The following WASF3 variants were observed in gnomAD, a reference collection of about 807,000 sequenced individuals.
The protein encoded by WASF3 is WASP family member 3.
In WASF3, 11 loss-of-function variants were observed where a neutral mutation model predicts 46.6. That is an observed-to-expected ratio of 0.24 (90% CI 0.15 to 0.39). The LOEUF is 0.39. Ranked by LOEUF, WASF3 falls within the 10% of genes least tolerant of loss-of-function variation. The probability of loss-of-function intolerance (pLI) is 1.00; values close to 1 mark genes in which losing one functional copy is unlikely to be tolerated. For synonymous variants in WASF3, 242 were observed against 259.7 expected, an observed-to-expected ratio of 0.93 and a Z score of 0.65; for missense variants, 576 against 669.8, an observed-to-expected ratio of 0.86 and a Z score of 1.55.
chr13:26,629,529 A>G (rs1254637210), intron 2 of WASF3, among the ~76,000 whole-genome samples: 1 of 152,122 alleles, frequency 6.6e-6, no homozygotes, highest in Admixed American at 6.6e-5. Context: ...CACACAGTCC[A>G]TTTTTGACTA....
At chr13:26,611,031 C>CCT (rs1880960165) in intron 1 of WASF3, among the ~76,000 whole-genome samples, 1 of 110,578 alleles carries the variant, frequency 9.0e-6, no homozygotes, top group East Asian at 2.7e-4. Context: ...TTACTTACTC[C>CCT]TTTTTTTTTT....
At position 26,674,425 on chromosome 13, in the gene WASF3, A is replaced by G. The variant is rs959146640; in HGVS notation, c.541-2124A>G. Among the ~76,000 whole-genome samples the G allele has an allele frequency of 2.0e-5, 3 of 152,138 alleles. 1 individual carries two copies. The highest frequency in any genetic ancestry group is 7.2e-5 in the African/African-American group (3 of 41,418). On this transcript the variant is annotated intron_variant, in intron 6 of 9. Coordinates refer to ENST00000335327, the MANE Select transcript of WASF3 (RefSeq NM_006646.6). ...CCCACTTTTTTCCTTTGGTTTTTCA[A>G]AGTACACACCCAATACATGCTGGTT... is the stretch of plus-strand genomic sequence containing the variant.
chr13:26,568,507 G>C (rs1025967012), intron 1 of WASF3, among the ~76,000 whole-genome samples: 4 of 151,880 alleles, frequency 2.6e-5, no homozygotes, highest in African/African-American at 9.7e-5. Context: ...TGAAGACTCT[G>C]ATTGTATATC....
At chr13:26,547,839 A>G in the WASF3 span, among the ~76,000 whole-genome samples, 1 of 152,200 alleles carries the variant, frequency 6.6e-6, no homozygotes, top group Non-Finnish European at 1.5e-5. Context: ...CCACATTGAA[A>G]TGAGTAAGAA....
At chr13:26,656,922 A>T (rs926161909) in intron 3 of WASF3, among the ~76,000 whole-genome samples, 1 of 152,182 alleles carries the variant, frequency 6.6e-6, no homozygotes. Flanking sequence ...ATGTTTTCTA[A>T]TAAATAGACA....
intron 1 of WASF3, among the ~76,000 whole-genome samples, chr13:26,564,900 G>GTTTTTTTTTTTTTTTTTTTTTTTTTCCT (rs66809412): frequency 1.2e-5 from 1 of 81,634 alleles, no homozygotes; most frequent in Non-Finnish European, 2.2e-5. Flanking sequence ...CAAGGTTGTG[G>GTTTTTTTTTTTTTTTTTTTTTTTTTCCT]TTTTTTTTTT....
Position 26,685,909 on chromosome 13 carries a change from C to A in WASF3, c.*64C>A. 1 of 1,575,192 alleles carries A rather than the reference C, an allele frequency of 6.3e-7. No individual in the cohort carries two copies. The highest frequency in any genetic ancestry group is 8.7e-7 in the Non-Finnish European group (1 of 1,152,414). On this transcript the variant is annotated 3_prime_UTR_variant, in exon 10 of 10. Coordinates refer to ENST00000335327, the MANE Select transcript of WASF3 (RefSeq NM_006646.6). ...GAAGATTTTAAGTGGTCTCTACACC[C>A]AAATAGTGGTATTCTAATCCCGTAG...
Position 26,648,070 on chromosome 13 carries a change from G to A in WASF3, c.133+5667G>A, listed in dbSNP as rs539240076. ...GACATATAGTTATTTGTGGGGGAAC[G>A]CTATTATAAATTCTTACTCAAAATA... On this transcript the variant is annotated intron_variant, in intron 3 of 9. Coordinates refer to ENST00000335327, the MANE Select transcript of WASF3 (RefSeq NM_006646.6). 2.6e-5 allele frequency among the ~76,000 whole-genome samples: 4 copies of A among 152,130 alleles called. No individual in the cohort carries two copies. The South Asian group carries it at 6.2e-4, about 24-fold the overall frequency.
At chr13:26,622,541 A>G (rs1881338823) in intron 2 of WASF3, 1 of 152,242 alleles carries the variant, frequency 6.6e-6, no homozygotes, top group Admixed American at 6.5e-5. Flanking sequence ...TTTTCTTTCC[A>G]GAATAGTCTG....
intron 1 of WASF3, chr13:26,609,451 TC>T (rs1245352150): frequency 6.6e-6 from 1 of 150,400 alleles, no homozygotes; most frequent in Non-Finnish European, 1.5e-5. Context: ...CTCCTCCTCT[TC>T]CCCTCTTCTT....
intron 4 of WASF3, among the ~76,000 whole-genome samples, chr13:26,666,051 TCTC>T (rs1882761513): frequency 1.3e-5 from 2 of 152,186 alleles, no homozygotes; most frequent in Non-Finnish European, 2.9e-5. Context: ...GGAATTCATC[TCTC>T]ATCATTTAAA....
chr13:26,547,393 AACACAC>A, the WASF3 span, among the ~76,000 whole-genome samples: 50,636 of 131,162 alleles, frequency 0.39, 8,822 homozygotes, highest in East Asian at 0.48. Context: ...CTACCCCATC[AACACAC>A]ACACACACAC....
chr13:26,678,818 C>T (rs1430082230), intron 7 of WASF3, among the ~76,000 whole-genome samples: 1 of 152,162 alleles, frequency 6.6e-6, no homozygotes, highest in Non-Finnish European at 1.5e-5. Flanking sequence ...TCATCCAGTT[C>T]TGGGCCCTGG....
chr13:26,539,206 G>A, the WASF3 span, among the ~76,000 whole-genome samples: 1 of 152,234 alleles, frequency 6.6e-6, no homozygotes, highest in Non-Finnish European at 1.5e-5. Context: ...TGAGCCTGGA[G>A]GACAAATGCA....
intron 1 of WASF3, among the ~76,000 whole-genome samples, chr13:26,601,054 C>A (rs1157934881): frequency 1.3e-5 from 2 of 152,228 alleles, no homozygotes; most frequent in South Asian, 4.1e-4. Flanking sequence ...ATTTTCAGCA[C>A]TTTTAGGTGC....
At chr13:26,576,847 T>C in intron 1 of WASF3, 1 of 579,298 alleles carries the variant, frequency 1.7e-6, no homozygotes, top group Non-Finnish European at 3.0e-6. Context: ...AACTATAGTA[T>C]AATATCAAAA....
At chr13:26,541,732 G>A in the WASF3 span, among the ~76,000 whole-genome samples, 28 of 151,664 alleles carry the variant, frequency 1.8e-4, no homozygotes, top group Non-Finnish European at 3.5e-4. Context: ...ATCCTCCCGC[G>A]TTGGCCTCCC....
At chr13:26,554,449 T>C (rs1879056292), upstream of WASF3, among the ~76,000 whole-genome samples, 1 of 152,036 alleles carries the variant, frequency 6.6e-6, no homozygotes, top group Admixed American at 6.6e-5. Flanking sequence ...TCTTAAAAGG[T>C]ACAATGATAA....
chr13:26,555,059 T>C (rs1433325324), upstream of WASF3, among the ~76,000 whole-genome samples: 2 of 152,234 alleles, frequency 1.3e-5, no homozygotes, highest in East Asian at 1.9e-4. Flanking sequence ...CCTTAGGTTT[T>C]TTGTTGTTGT....
Sources: allele counts gnomAD v4.1 joint callset (sites outside exome capture counted in the v4.1 genomes callset), GRCh38; gene constraint gnomAD v4.1.1; transcripts MANE v1.5; gene names NCBI Gene and HGNC (gene_info 2026-07-23, HGNC 2026-07-21).